PTPRD: variants seen among roughly 807,000 people sequenced by gnomAD.
The protein encoded by PTPRD is receptor-type tyrosine-protein phosphatase delta.
PTPRD carries 34 observed loss-of-function variants against 214.5 expected under a neutral mutation model. The observed-to-expected ratio is 0.16, with a 90% CI of 0.12 to 0.21. The LOEUF is 0.21. Among genes scored for constraint, PTPRD ranks in the 10% least tolerant of loss-of-function variants. The pLI is 1.00. For synonymous variants in PTPRD, 1,128 were observed against 845.7 expected (o/e 1.33, Z -5.79); for missense variants, 2,545 against 2,398.7 (o/e 1.06, Z -1.27).
chr9:9,054,527 G>T (rs2099692655), intron 10 of PTPRD, among the ~76,000 whole-genome samples: 1 of 152,056 alleles, frequency 6.6e-6, no homozygotes, highest in East Asian at 1.9e-4. Flanking sequence ...AGCCTCTTTG[G>T]AAATACATGG....
intron 9 of PTPRD, among the ~76,000 whole-genome samples, chr9:9,374,353 G>A (rs1043203411): frequency 7.2e-5 from 11 of 151,790 alleles, no homozygotes; most frequent in Non-Finnish European, 1.5e-5. Context: ...TTTAAAACAG[G>A]AACATTAAAG....
At position 8,926,489 on chromosome 9, in the gene PTPRD, T is replaced by C. The variant is rs75193311; in HGVS notation, c.-104+92208A>G. Among the ~76,000 whole-genome samples the C allele has an allele frequency of 7.9e-3, 1,210 of 152,268 alleles. 13 individuals carry two copies. Among genetic ancestry groups the C allele is most frequent in the African/African-American group, 0.028 (1,173 of 41,548 alleles). On this transcript the variant is annotated intron_variant, in intron 11 of 45. Coordinates refer to ENST00000381196, the MANE Select transcript of PTPRD (RefSeq NM_002839.4). Reference sequence around the variant, plus strand: ...TCTGTCCACTTCATGGTTTCTCCTATGTGACCCTGAACTCTAGAAAGGAAA... The same window carrying C: ...TCTGTCCACTTCATGGTTTCTCCTACGTGACCCTGAACTCTAGAAAGGAAA...
chr9:8,960,543 G>A (rs569030099), intron 11 of PTPRD, among the ~76,000 whole-genome samples: 1 of 152,226 alleles, frequency 6.6e-6, no homozygotes, highest in South Asian at 2.1e-4. Flanking sequence ...GATAGAAGAA[G>A]ATGTCGTGCA....
At chr9:9,223,764 T>A (rs1360682688) in intron 9 of PTPRD, among the ~76,000 whole-genome samples, 3 of 151,968 alleles carry the variant, frequency 2.0e-5, no homozygotes, top group Non-Finnish European at 2.9e-5. Flanking sequence ...GTGGTTTAAT[T>A]ATAATTGAGT....
chr9:8,659,720 T>C (rs1183700275), intron 12 of PTPRD, among the ~76,000 whole-genome samples: 1 of 152,204 alleles, frequency 6.6e-6, no homozygotes, highest in African/African-American at 2.4e-5. Context: ...TCACAGCCAT[T>C]TCATCATTTT....
At chr9:9,317,330 T>G (rs1963798315) in intron 9 of PTPRD, among the ~76,000 whole-genome samples, 1 of 152,192 alleles carries the variant, frequency 6.6e-6, no homozygotes, top group African/African-American at 2.4e-5. Context: ...GCTAAATATC[T>G]CTTTTCCCTT....
intron 11 of PTPRD, among the ~76,000 whole-genome samples, chr9:8,978,811 G>T (rs555735398): frequency 6.6e-6 from 1 of 152,214 alleles, no homozygotes; most frequent in East Asian, 1.9e-4. Context: ...AAAACGAAAA[G>T]GACCTGATTT....
At chr9:10,015,193 C>G (rs1567100122) in intron 4 of PTPRD, among the ~76,000 whole-genome samples, 1 of 152,082 alleles carries the variant, frequency 6.6e-6, no homozygotes, top group East Asian at 1.9e-4. Context: ...AACAATAACT[C>G]AGAATTGACC....
chr9:8,528,595 T>C lies in PTPRD; in HGVS notation c.537A>G (p.Arg179=), dbSNP rs2139454334. 1.2e-6 allele frequency: 2 copies of C among 1,613,620 alleles called. No homozygotes were observed. Among genetic ancestry groups the C allele is most frequent in the Non-Finnish European group, 1.7e-6 (2 of 1,179,682 alleles). ...GAAACAGTAACAAGACCCTACCTGA[T>C]CGTAACTGCTTAATACGACCATTGT... ...SNNNGRIKQL[R]SESIGGTPIR... is the part of the protein sequence containing the mutation. Residue 179 remains arginine, a synonymous_variant, in exon 15 of 46, where the codon CGA becomes CGG. Coordinates refer to ENST00000381196, the MANE Select transcript of PTPRD (RefSeq NM_002839.4).
intron 4 of PTPRD, among the ~76,000 whole-genome samples, chr9:9,968,788 C>T (rs2154039481): frequency 6.6e-6 from 1 of 152,178 alleles, no homozygotes; most frequent in South Asian, 2.1e-4. Context: ...TTAATCTCAA[C>T]CTTAATTCAG....
chr9:8,706,603 A>G (rs1413706240), intron 12 of PTPRD, among the ~76,000 whole-genome samples: 1 of 152,202 alleles, frequency 6.6e-6, no homozygotes, highest in East Asian at 1.9e-4. Flanking sequence ...CTTGAGCTTA[A>G]GAAAAAAAAG....
At chr9:9,253,646 C>G (rs1313757671) in intron 9 of PTPRD, among the ~76,000 whole-genome samples, 2 of 152,032 alleles carry the variant, frequency 1.3e-5, no homozygotes, top group African/African-American at 4.8e-5. Context: ...GATGCCAAAG[C>G]ATAAAAAATG....
chr9:9,722,510 G>C (rs1420379071), intron 7 of PTPRD, among the ~76,000 whole-genome samples: 5 of 152,074 alleles, frequency 3.3e-5, no homozygotes, highest in Non-Finnish European at 7.4e-5. Context: ...TAGCTGTTAT[G>C]AATAATGTTC....
At chr9:10,220,853 GA>G (rs1266313255) in intron 3 of PTPRD, among the ~76,000 whole-genome samples, 1 of 151,498 alleles carries the variant, frequency 6.6e-6, no homozygotes, top group Admixed American at 6.6e-5. Flanking sequence ...ATGCAATTTT[GA>G]AGTATGAGAC....
chr9:9,452,042 C>T (rs914226049), intron 8 of PTPRD, among the ~76,000 whole-genome samples: 1 of 151,190 alleles, frequency 6.6e-6, no homozygotes, highest in Non-Finnish European at 1.5e-5. Flanking sequence ...AGATATAATA[C>T]CTCACACCCA....
At position 10,148,305 on chromosome 9, in the gene PTPRD, A is replaced by G. The variant is rs532898340; in HGVS notation, c.-544-114515T>C. Among the ~76,000 whole-genome samples, 5 of 152,308 alleles carry G rather than the reference A, an allele frequency of 3.3e-5. No individual in the cohort carries two copies. The South Asian group carries it at 1.0e-3, about 32-fold the overall frequency. On this transcript the variant is annotated intron_variant, in intron 3 of 45. Transcript: ENST00000381196. ...TCATCTATGAGAAATAAATTGACCTATTAATAATCATTTATTCAACTGATA... is the reference window on the plus strand; with the variant it reads ...TCATCTATGAGAAATAAATTGACCTGTTAATAATCATTTATTCAACTGATA...
At chr9:9,168,801 G>C (rs1421843815) in intron 10 of PTPRD, among the ~76,000 whole-genome samples, 3 of 151,872 alleles carry the variant, frequency 2.0e-5, no homozygotes, top group Non-Finnish European at 4.4e-5. Flanking sequence ...CAGTTTATTT[G>C]TTACGGGTAC....
intron 3 of PTPRD, among the ~76,000 whole-genome samples, chr9:10,292,665 C>G (rs576433073): frequency 6.6e-6 from 1 of 151,814 alleles, no homozygotes; most frequent in African/African-American, 2.4e-5. Context: ...TGAAATATGT[C>G]AAAAACATCC....
intron 6 of PTPRD, among the ~76,000 whole-genome samples, chr9:9,765,429 C>A (rs1205978836): frequency 2.0e-5 from 3 of 151,976 alleles, no homozygotes; most frequent in Admixed American, 1.3e-4. Flanking sequence ...ACCAAGGATG[C>A]CCAACTTTTA....
Sources: allele counts gnomAD v4.1 joint callset (sites outside exome capture counted in the v4.1 genomes callset), GRCh38; gene constraint gnomAD v4.1.1; transcripts MANE v1.5; gene names NCBI Gene and HGNC (gene_info 2026-07-23, HGNC 2026-07-21).